FRK: variants seen among roughly 807,000 people sequenced by gnomAD.
The protein encoded by FRK is fyn related Src family tyrosine kinase.
Under a neutral mutation model 56.4 loss-of-function variants are expected in FRK, and 51 were observed. The ratio of observed to expected loss-of-function variants is 0.90; its 90% CI spans 0.72 to 1.14. The LOEUF (loss-of-function observed/expected upper bound fraction) is 1.14. Among genes scored for constraint, FRK ranks in the 50% most tolerant of loss-of-function variants. The pLI, the probability that FRK is intolerant of heterozygous loss-of-function variation, is 0.00. For missense variants in FRK, 570 were observed against 601.4 expected (o/e 0.95, Z 0.55); for synonymous variants, 245 against 217.9 (o/e 1.12, Z -1.10).
chr6:115,933,454 T>A lies in FRK; in HGVS notation c.*8960A>T, dbSNP rs992666001. The A allele has an allele frequency of 6.6e-6, 1 of 152,218 alleles. No individual in the cohort carries two copies. Among genetic ancestry groups the A allele is most frequent in the Non-Finnish European group, 1.5e-5 (1 of 68,022 alleles). The allele number at this position is 152,218 out of a possible 1,614,324, so 9.4% of individuals were successfully genotyped here. ...TAACTGAATCCATTATTTTTCTCCA[T>A]GATCCATCAGGTAAAAACAAGAATA... On this transcript the variant is annotated 3_prime_UTR_variant, in exon 8 of 8. Coordinates refer to ENST00000606080, the MANE Select transcript of FRK (RefSeq NM_002031.3).
At position 115,939,178 on chromosome 6, in the gene FRK, T is replaced by C. The variant is rs1310377010; in HGVS notation, c.*3236A>G. 6.6e-6 allele frequency: 1 copy of C among 152,168 alleles called. No homozygotes were observed. Among genetic ancestry groups the C allele is most frequent in the African/African-American group, 2.4e-5 (1 of 41,436 alleles). 9.4% of individuals were successfully genotyped at this position (152,168 alleles called of 1,614,324 possible). ...TTCATCCCTGAGACACAAGGCTGGT[T>C]CAACATACGCAAATCAATAAACACA... On this transcript the variant is annotated 3_prime_UTR_variant, in exon 8 of 8. Transcript: ENST00000606080.
the FRK span, among the ~76,000 whole-genome samples, chr6:116,099,596 A>G: frequency 6.6e-6 from 1 of 152,204 alleles, no homozygotes. Context: ...TTCCTATTCC[A>G]GAGAGATTTG....
the FRK span, among the ~76,000 whole-genome samples, chr6:116,072,019 T>C: frequency 3.9e-5 from 6 of 152,194 alleles, no homozygotes; most frequent in Non-Finnish European, 7.3e-5. Flanking sequence ...GTATTTGCTG[T>C]TGAGGATGTA....
intron 5 of FRK, among the ~76,000 whole-genome samples, chr6:115,953,023 G>T (rs1197816849): frequency 6.6e-6 from 1 of 151,116 alleles, no homozygotes; most frequent in Non-Finnish European, 1.5e-5. Flanking sequence ...GTATACATAA[G>T]TAACTAACCT....
chr6:116,002,914 T>A (rs1197176740), intron 2 of FRK, among the ~76,000 whole-genome samples: 1 of 152,178 alleles, frequency 6.6e-6, no homozygotes, highest in African/African-American at 2.4e-5. Context: ...TGGCCAGAGT[T>A]CAGGTCAGAT....
the FRK span, among the ~76,000 whole-genome samples, chr6:116,068,638 C>T: frequency 2.6e-5 from 4 of 152,190 alleles, no homozygotes; most frequent in Non-Finnish European, 1.5e-5. Flanking sequence ...CTACATTAAA[C>T]ATCCAGCCAA....
chr6:116,065,448 T>C (rs149947910), upstream of FRK, among the ~76,000 whole-genome samples: 1 of 152,358 alleles, frequency 6.6e-6, no homozygotes, highest in Non-Finnish European at 1.5e-5. Flanking sequence ...CCATATAATC[T>C]GCAAATGTGC....
intron 1 of FRK, among the ~76,000 whole-genome samples, chr6:116,040,549 C>A (rs566836335): frequency 1.3e-5 from 2 of 152,148 alleles, no homozygotes; most frequent in African/African-American, 4.8e-5. Context: ...TTTTTTCACC[C>A]AATATTATGC....
chr6:115,944,178 A>G (rs773296275), intron 6 of FRK, 66 bp downstream of exon 6: 262 of 1,275,396 alleles, frequency 2.1e-4, no homozygotes, highest in Non-Finnish European at 2.7e-4. Context: ...CAGTATATCT[A>G]TTGGTCTACT....
intron 1 of FRK, among the ~76,000 whole-genome samples, chr6:116,030,384 A>C (rs1776257850): frequency 6.6e-6 from 1 of 152,074 alleles, no homozygotes; most frequent in South Asian, 2.1e-4. Context: ...TAAAATATGC[A>C]CCTAGCGCTC....
chr6:116,090,400 C>T, the FRK span, among the ~76,000 whole-genome samples: 24 of 152,334 alleles, frequency 1.6e-4, no homozygotes, highest in African/African-American at 4.8e-4. Flanking sequence ...TCACCTTCCC[C>T]CATCATAGTA....
intron 1 of FRK, among the ~76,000 whole-genome samples, chr6:116,048,648 A>G (rs1052739343): frequency 1.3e-5 from 2 of 152,158 alleles, no homozygotes; most frequent in Admixed American, 1.3e-4. Flanking sequence ...AACCTCCAAA[A>G]GTACTGGGAT....
In FRK at chr6:115,950,501, T is replaced by TA. The variant is rs1294450202; in HGVS notation, c.958+5950dup. 2.0e-5 allele frequency among the ~76,000 whole-genome samples: 3 copies of TA among 152,146 alleles called. No individual in the cohort carries two copies. In the East Asian group the frequency reaches 5.8e-4, roughly 29 times the overall value. On this transcript the variant is annotated intron_variant, in intron 5 of 7. Transcript: ENST00000606080. ...GTCATGTCAGTTAGAATGGGATCAT[T>TA]AAAAAGTCAGGAAACAACAGATGCT...
At chr6:115,948,479 C>A (rs1385083619) in intron 5 of FRK, among the ~76,000 whole-genome samples, 1 of 152,314 alleles carries the variant, frequency 6.6e-6, no homozygotes, top group Middle Eastern at 3.4e-3. Flanking sequence ...CTAAGTTTTA[C>A]AAGTTTCTCC....
chr6:116,007,847 G>A (rs562000670), intron 1 of FRK, among the ~76,000 whole-genome samples: 4 of 126,330 alleles, frequency 3.2e-5, no homozygotes, highest in African/African-American at 1.2e-4. Flanking sequence ...TATATGTTCA[G>A]AAACAATACA....
At chr6:116,009,230 A>T (rs1425167256) in intron 1 of FRK, among the ~76,000 whole-genome samples, 1 of 152,210 alleles carries the variant, frequency 6.6e-6, no homozygotes, top group East Asian at 1.9e-4. Context: ...CAGTAAGGTT[A>T]TAGTTTACTA....
At chr6:116,042,669 T>C (rs892264692) in intron 1 of FRK, among the ~76,000 whole-genome samples, 2 of 152,142 alleles carry the variant, frequency 1.3e-5, no homozygotes, top group African/African-American at 4.8e-5. Flanking sequence ...GTGAAGAAAC[T>C]ACATCAACTA....
intron 1 of FRK, among the ~76,000 whole-genome samples, chr6:116,010,323 C>A (rs1235099733): frequency 6.6e-6 from 1 of 152,036 alleles, no homozygotes; most frequent in Admixed American, 6.5e-5. Context: ...ACTCTGCATT[C>A]TTCTCTATAA....
rs1562244112 is a variant in FRK at position 115,938,037 on chromosome 6, C to A, written c.*4377G>T. The A allele has an allele frequency of 6.6e-6, 1 of 152,184 alleles. No individual in the cohort carries two copies. The highest frequency in any genetic ancestry group is 1.5e-5 in the Non-Finnish European group (1 of 68,044). The allele number at this position is 152,184 out of a possible 1,614,324, so 9.4% of individuals were successfully genotyped here. On this transcript the variant is annotated 3_prime_UTR_variant, in exon 8 of 8. Transcript: ENST00000606080. ...AACAGAATATACATTCTTCTCAGCA[C>A]CTCATCGCACTTATTCTAAAAGTGA...
Sources: allele counts gnomAD v4.1 joint callset (sites outside exome capture counted in the v4.1 genomes callset), GRCh38; gene constraint gnomAD v4.1.1; transcripts MANE v1.5; gene names NCBI Gene and HGNC (gene_info 2026-07-23, HGNC 2026-07-21).